Variants in FHIT observed in about 807,000 individuals in gnomAD.
The protein encoded by FHIT is bis(5'-adenosyl)-triphosphatase.
Under a neutral mutation model 17.9 loss-of-function variants are expected in FHIT, and 19 were observed. The observed-to-expected ratio is 1.06, with a 90% confidence interval of 0.74 to 1.56. The LOEUF is 1.56. FHIT is among the 40% of genes most tolerant of loss of function. The pLI is 0.00. For missense variants in FHIT, 248 were observed against 189.2 expected, an observed-to-expected ratio of 1.31 and a Z score of -1.82; for synonymous variants, 81 against 69.7, an observed-to-expected ratio of 1.16 and a Z score of -0.81.
chr3:59,960,528 T>A (rs1707621864), intron 7 of FHIT, among the ~76,000 whole-genome samples: 1 of 152,138 alleles, frequency 6.6e-6, no homozygotes, highest in African/African-American at 2.4e-5. Context: ...GTTTTACATG[T>A]TAGGAGTTCA....
intron 7 of FHIT, among the ~76,000 whole-genome samples, chr3:59,968,490 C>T (rs1708034266): frequency 6.6e-6 from 1 of 152,070 alleles, no homozygotes; most frequent in Admixed American, 6.6e-5. Flanking sequence ...GTTGTACCTT[C>T]AAGATATCTC....
intron 5 of FHIT, among the ~76,000 whole-genome samples, chr3:60,404,710 A>G (rs534645765): frequency 3.3e-5 from 5 of 152,324 alleles, no homozygotes; most frequent in African/African-American, 7.2e-5. Context: ...GAACACTGAA[A>G]GAATAGCCTT....
At chr3:60,282,297 T>C (rs1363999301) in intron 5 of FHIT, among the ~76,000 whole-genome samples, 3 of 152,150 alleles carry the variant, frequency 2.0e-5, no homozygotes, top group Non-Finnish European at 4.4e-5. Context: ...TACGACAGAA[T>C]ACTAGTCTAC....
chr3:60,493,654 A>C (rs2034161926), intron 5 of FHIT, among the ~76,000 whole-genome samples: 1 of 152,200 alleles, frequency 6.6e-6, no homozygotes, highest in Non-Finnish European at 1.5e-5. Context: ...ACATGGACAT[A>C]AAGAAAAAAA....
intron 8 of FHIT, 107 bp from the exon 9 acceptor site, chr3:59,752,428 C>A: frequency 1.5e-6 from 1 of 650,234 alleles, no homozygotes; most frequent in Non-Finnish European, 2.7e-6. Flanking sequence ...AATTAGAGGC[C>A]AGTAGGTGTA....
At position 60,719,970 on chromosome 3, in the gene FHIT, A is replaced by C. The variant is rs1020502329; in HGVS notation, c.-18+101949T>G. Reference sequence around the variant, plus strand: ...CCTTCTATTCTGTTTCACTTACTGCAACCAGAGAGATCTCCCAGGAAAAGC... The same window carrying C: ...CCTTCTATTCTGTTTCACTTACTGCCACCAGAGAGATCTCCCAGGAAAAGC... On this transcript the variant is annotated intron_variant, in intron 4 of 9. Transcript: ENST00000492590. Among the ~76,000 whole-genome samples, 3 of 152,240 alleles carry C rather than the reference A, an allele frequency of 2.0e-5. 1 individual carries two copies. In the South Asian group the frequency reaches 6.2e-4, roughly 32 times the overall value.
At chr3:60,418,639 C>T (rs1576625174) in intron 5 of FHIT, among the ~76,000 whole-genome samples, 1 of 130,218 alleles carries the variant, frequency 7.7e-6, no homozygotes, top group African/African-American at 2.9e-5. Flanking sequence ...TTTGCTTAGT[C>T]TAGCAAAGTA....
chr3:59,754,691 G>GCAAC (rs1701111173), intron 8 of FHIT, among the ~76,000 whole-genome samples: 2 of 152,140 alleles, frequency 1.3e-5, no homozygotes, highest in Non-Finnish European at 2.9e-5. Context: ...TGGTTATTAG[G>GCAAC]CAACCGTCTG....
intron 5 of FHIT, among the ~76,000 whole-genome samples, chr3:60,164,701 C>G (rs1416561423): frequency 6.6e-6 from 1 of 152,124 alleles, no homozygotes; most frequent in Admixed American, 6.5e-5. Flanking sequence ...GCTCAGTGCT[C>G]TTGATCTGCC....
intron 4 of FHIT, among the ~76,000 whole-genome samples, chr3:60,813,514 G>T (rs35808939): frequency 0.012 from 1,815 of 151,872 alleles, 39 homozygotes; most frequent in African/African-American, 0.042. Flanking sequence ...ATCATGGGAG[G>T]TGCTTAAACA....
At chr3:61,075,427 T>A (rs537129693) in intron 2 of FHIT, among the ~76,000 whole-genome samples, 1 of 152,094 alleles carries the variant, frequency 6.6e-6, no homozygotes, top group African/African-American at 2.4e-5. Context: ...CAGAAACAGC[T>A]TTTTAGTAAC....
intron 8 of FHIT, among the ~76,000 whole-genome samples, chr3:59,788,146 TA>T (rs983468469): frequency 2.0e-5 from 3 of 152,212 alleles, no homozygotes; most frequent in African/African-American, 7.2e-5. Flanking sequence ...TCTGTCATTC[TA>T]TTAACCACAT....
chr3:60,873,557 A>T lies in FHIT; in HGVS notation c.-110-51546T>A, dbSNP rs143183782. Reference sequence around the variant, plus strand: ...TCTCTCTGAATGAAGACTATTCAGAAGTACACAAACCAACAAACCATCCAA... The same window carrying T: ...TCTCTCTGAATGAAGACTATTCAGATGTACACAAACCAACAAACCATCCAA... On this transcript the variant is annotated intron_variant, in intron 3 of 9. Transcript: ENST00000492590. Among the ~76,000 whole-genome samples, 87 of 152,304 alleles carry T rather than the reference A, an allele frequency of 5.7e-4. 2 individuals carry two copies. The East Asian group carries it at 0.016, about 28-fold the overall frequency.
intron 5 of FHIT, among the ~76,000 whole-genome samples, chr3:60,052,606 TG>T (rs1297351206): frequency 6.6e-6 from 1 of 151,922 alleles, no homozygotes; most frequent in Non-Finnish European, 1.5e-5. Context: ...TGCCTTTTCC[TG>T]GGAATCAGAA....
chr3:60,983,762 G>A (rs565400002), intron 3 of FHIT, among the ~76,000 whole-genome samples: 1 of 152,248 alleles, frequency 6.6e-6, no homozygotes, highest in African/African-American at 2.4e-5. Flanking sequence ...GCAAGCATGG[G>A]ACATATAGGC....
chr3:60,851,398 T>G (rs1332259165), intron 3 of FHIT, among the ~76,000 whole-genome samples: 1 of 152,122 alleles, frequency 6.6e-6, no homozygotes, highest in African/African-American at 2.4e-5. Flanking sequence ...ATGTCAACAC[T>G]GGAATCTCAC....
chr3:60,039,696 C>T (rs933525902), intron 5 of FHIT, among the ~76,000 whole-genome samples: 17 of 152,292 alleles, frequency 1.1e-4, no homozygotes, highest in Non-Finnish European at 2.4e-4. Context: ...ATAAAGTGTT[C>T]ACATGGTGAA....
At chr3:60,412,735 T>C (rs894015712) in intron 5 of FHIT, among the ~76,000 whole-genome samples, 7 of 152,138 alleles carry the variant, frequency 4.6e-5, no homozygotes, top group African/African-American at 7.2e-5. Flanking sequence ...CACCTAAATC[T>C]CATTTTGAAT....
At chr3:60,882,702 A>G (rs921022115) in intron 3 of FHIT, among the ~76,000 whole-genome samples, 5 of 152,196 alleles carry the variant, frequency 3.3e-5, no homozygotes, top group Admixed American at 3.3e-4. Context: ...CTAAGTATAG[A>G]ATAAGTGCAC....
Sources: allele counts gnomAD v4.1 joint callset (sites outside exome capture counted in the v4.1 genomes callset), GRCh38; gene constraint gnomAD v4.1.1; transcripts MANE v1.5; gene names NCBI Gene and HGNC (gene_info 2026-07-23, HGNC 2026-07-21).